The following PRTFDC1 variants were observed in gnomAD, a reference collection of about 807,000 sequenced individuals.
PRTFDC1 encodes phosphoribosyltransferase domain-containing protein 1.
A neutral mutation model predicts 34.6 loss-of-function variants in PRTFDC1; 38 were observed. The ratio of observed to expected loss-of-function variants is 1.10; its 90% confidence interval spans 0.85 to 1.44. PRTFDC1 has a LOEUF of 1.44. Ranked by LOEUF, PRTFDC1 falls within the 40% of genes most tolerant of loss-of-function variation. The pLI, the probability that PRTFDC1 is intolerant of heterozygous loss-of-function variation, is 0.00. For synonymous variants in PRTFDC1, 93 were observed against 98.1 expected, an observed-to-expected ratio of 0.95 and a Z score of 0.31; for missense variants, 270 against 283.0, an observed-to-expected ratio of 0.95 and a Z score of 0.33.
At chr10:24,936,848 A>C (rs1431761110) in intron 3 of PRTFDC1, among the ~76,000 whole-genome samples, 1 of 152,170 alleles carries the variant, frequency 6.6e-6, no homozygotes, top group Non-Finnish European at 1.5e-5. Context: ...CCAGAGTAGA[A>C]AAAACAAATC....
intron 3 of PRTFDC1, among the ~76,000 whole-genome samples, chr10:24,886,035 A>C (rs1483289984): frequency 2.0e-5 from 3 of 152,202 alleles, no homozygotes; most frequent in Non-Finnish European, 4.4e-5. Flanking sequence ...GGGCAGTGAA[A>C]CTATCTTGTA....
chr10:24,942,287 G>A (rs565956180), intron 2 of PRTFDC1, 43 bp downstream of exon 2: 29 of 1,480,390 alleles, frequency 2.0e-5, no homozygotes, highest in African/African-American at 1.1e-4. Flanking sequence ...AGTGTGGGCC[G>A]GCCCAGTGCA....
At chr10:24,868,438 C>T (rs1203264826) in intron 4 of PRTFDC1, among the ~76,000 whole-genome samples, 1 of 152,034 alleles carries the variant, frequency 6.6e-6, no homozygotes, top group East Asian at 1.9e-4. Flanking sequence ...AGAGTAATAA[C>T]ATGATGATAA....
intron 3 of PRTFDC1, among the ~76,000 whole-genome samples, chr10:24,910,425 G>C (rs1344895943): frequency 3.3e-5 from 5 of 152,152 alleles, no homozygotes; most frequent in Non-Finnish European, 7.3e-5. Flanking sequence ...GAGGTAAGGA[G>C]ACTTACTTCA....
chr10:24,897,667 C>A (rs1848389685), intron 3 of PRTFDC1, among the ~76,000 whole-genome samples: 1 of 152,148 alleles, frequency 6.6e-6, no homozygotes, highest in Admixed American at 6.5e-5. Context: ...ACTAAAAACA[C>A]AATGAGGTGG....
At chr10:24,881,891 T>C (rs1048895436) in intron 3 of PRTFDC1, among the ~76,000 whole-genome samples, 1 of 151,666 alleles carries the variant, frequency 6.6e-6, no homozygotes, top group Non-Finnish European at 1.5e-5. Context: ...TCTCTTCGAG[T>C]GGATAATTCT....
intron 3 of PRTFDC1, among the ~76,000 whole-genome samples, chr10:24,913,283 G>A (rs1319662988): frequency 6.6e-6 from 1 of 152,198 alleles, no homozygotes; most frequent in African/African-American, 2.4e-5. Flanking sequence ...TTTGGAAGGT[G>A]TAATATTGTC....
chr10:24,875,505 A>G (rs1008632006), intron 3 of PRTFDC1, among the ~76,000 whole-genome samples: 2 of 152,126 alleles, frequency 1.3e-5, no homozygotes, highest in East Asian at 3.8e-4. Flanking sequence ...TATGGTATGT[A>G]TCACTCTGTG....
chr10:24,852,601 T>C (rs1050110706), intron 7 of PRTFDC1, among the ~76,000 whole-genome samples: 2 of 152,198 alleles, frequency 1.3e-5, no homozygotes, highest in South Asian at 2.1e-4. Flanking sequence ...TGGCTAATAC[T>C]TATTGGAGAG....
intron 6 of PRTFDC1, among the ~76,000 whole-genome samples, chr10:24,856,234 C>T (rs1414428817): frequency 8.6e-5 from 13 of 151,512 alleles, no homozygotes; most frequent in Admixed American, 7.9e-4. Flanking sequence ...ACACTACTGC[C>T]CTCCAGCTTG....
In PRTFDC1 at chr10:24,937,200, C is replaced by G; in HGVS notation, c.323G>C (p.Arg108Thr). The stretch of plus-strand genomic sequence containing the variant: ...ATAACTTACCCTGTAACTTTTTAGT[C>G]TGATGAAATCAACCTTCATTGAGAC... ...RFVSMKVDFI[R>T]LKSYRNDQSM... Residue 108 changes from arginine to threonine, a missense_variant, in exon 3 of 9, where the codon AGA (arginine) becomes ACA (threonine). Transcript: ENST00000320152. 6.2e-7 allele frequency: 1 copy of G among 1,612,446 alleles called. No homozygotes were observed. Among genetic ancestry groups the G allele is most frequent in the Non-Finnish European group, 8.5e-7 (1 of 1,179,536 alleles).
chr10:24,940,691 C>T (rs1001709622), intron 2 of PRTFDC1, among the ~76,000 whole-genome samples: 5 of 152,158 alleles, frequency 3.3e-5, no homozygotes, highest in Admixed American at 6.5e-5. Context: ...AATGAGAAAT[C>T]CATCCAAGAG....
intron 3 of PRTFDC1, among the ~76,000 whole-genome samples, chr10:24,895,713 A>ATATATC (rs1304887051): frequency 7.2e-6 from 1 of 138,186 alleles, no homozygotes; most frequent in African/African-American, 2.7e-5. Flanking sequence ...ATATATATAT[A>ATATATC]TATATATATA....
chr10:24,916,926 T>C (rs1290466506), intron 3 of PRTFDC1, among the ~76,000 whole-genome samples: 1 of 152,170 alleles, frequency 6.6e-6, no homozygotes, highest in Admixed American at 6.5e-5. Context: ...ACCTAAACTT[T>C]AGATTTTCCC....
intron 4 of PRTFDC1, 91 bp downstream of exon 4, chr10:24,871,907 G>T: frequency 9.0e-7 from 1 of 1,111,104 alleles, no homozygotes; most frequent in Non-Finnish European, 1.3e-6. Flanking sequence ...CCGGGAGCAT[G>T]TCTGAAATGT....
At chr10:24,871,956 C>G in intron 4 of PRTFDC1, 42 bp downstream of exon 4, 1 of 1,551,958 alleles carries the variant, frequency 6.4e-7, no homozygotes, top group Non-Finnish European at 8.9e-7. Context: ...CACCGATGCC[C>G]CCAGACCTCA....
At chr10:24,884,171 A>AG (rs1242141905) in intron 3 of PRTFDC1, among the ~76,000 whole-genome samples, 1 of 151,776 alleles carries the variant, frequency 6.6e-6, no homozygotes, top group East Asian at 1.9e-4. Context: ...AAAAAAAAAA[A>AG]AGGAAGATTT....
At chr10:24,895,859 C>G (rs953684279) in intron 3 of PRTFDC1, among the ~76,000 whole-genome samples, 1 of 151,680 alleles carries the variant, frequency 6.6e-6, no homozygotes, top group Non-Finnish European at 1.5e-5. Flanking sequence ...TGAGTACAGA[C>G]CTTCCATATA....
intron 3 of PRTFDC1, among the ~76,000 whole-genome samples, chr10:24,913,676 A>G (rs1404465044): frequency 2.0e-5 from 3 of 152,182 alleles, no homozygotes; most frequent in Non-Finnish European, 4.4e-5. Flanking sequence ...ATGTATTCTC[A>G]CTCAGATTAT....
Sources: allele counts gnomAD v4.1 joint callset (sites outside exome capture counted in the v4.1 genomes callset), GRCh38; gene constraint gnomAD v4.1.1; transcripts MANE v1.5; gene names NCBI Gene and HGNC (gene_info 2026-07-23, HGNC 2026-07-21).